The following ATP10B variants were observed in gnomAD, a reference collection of about 807,000 sequenced individuals.
ATP10B encodes ATPase phospholipid transporting 10B (putative).
In ATP10B, 122 loss-of-function variants were observed where a neutral mutation model predicts 141.2. The observed-to-expected ratio is 0.86, with a 90% CI of 0.75 to 1.00. The LOEUF is 1.00. ATP10B is among the 50% of genes least tolerant of loss of function. The pLI, the probability that ATP10B is intolerant of heterozygous loss-of-function variation, is 0.00. For missense variants in ATP10B, 1,876 were observed against 1,825.3 expected, an observed-to-expected ratio of 1.03 and a Z score of -0.51; for synonymous variants, 685 against 692.0, an observed-to-expected ratio of 0.99 and a Z score of 0.16.
chr5:160,589,505 AAC>A, intron 24 of ATP10B, 85 bp downstream of exon 24: 1 of 1,031,654 alleles, frequency 9.7e-7, no homozygotes, highest in Non-Finnish European at 1.5e-6. Flanking sequence ...GTGGATTGAT[AAC>A]ACAGAATGAA....
chr5:160,743,215 A>G (rs575234897), intron 2 of ATP10B, among the ~76,000 whole-genome samples: 1 of 152,330 alleles, frequency 6.6e-6, no homozygotes, highest in Admixed American at 6.5e-5. Flanking sequence ...TGGATGAGCC[A>G]GGATTCAAAT....
the ATP10B span, among the ~76,000 whole-genome samples, chr5:160,913,341 A>G: frequency 6.6e-6 from 1 of 152,104 alleles, no homozygotes; most frequent in Non-Finnish European, 1.5e-5. Context: ...GATGCTAGAG[A>G]GATTCTCTTC....
chr5:160,723,171 G>C (rs1766097888), intron 2 of ATP10B, among the ~76,000 whole-genome samples: 1 of 152,170 alleles, frequency 6.6e-6, no homozygotes, highest in Non-Finnish European at 1.5e-5. Flanking sequence ...GAAAATCTGG[G>C]CTGACTATTT....
Position 160,589,719 on chromosome 5 carries a change from C to T in ATP10B, c.3646-23G>A, listed in dbSNP as rs779326326. On this transcript the variant is annotated intron_variant, in intron 23 of 25. Transcript: ENST00000327245. ...GGCCTGCAGAGGAGGAACAGACAGG[C>T]ATTGTCAGGTATGTCTGTGGACTAA... 390 of 1,567,890 alleles carry T rather than the reference C, an allele frequency of 2.5e-4. 1 individual carries two copies. In the Admixed American group the frequency reaches 3.1e-3, roughly 13 times the overall value.
intron 1 of ATP10B, among the ~76,000 whole-genome samples, chr5:160,827,450 G>T (rs1214044404): frequency 6.6e-6 from 1 of 152,246 alleles, no homozygotes; most frequent in East Asian, 1.9e-4. Flanking sequence ...CATGTGTATG[G>T]CTTCTTTCAA....
the ATP10B span, among the ~76,000 whole-genome samples, chr5:160,870,530 G>C: frequency 6.6e-6 from 1 of 151,676 alleles, no homozygotes; most frequent in African/African-American, 2.4e-5. Flanking sequence ...AAAACAAAAA[G>C]AGAAAAAGAC....
At chr5:160,693,611 T>C (rs1764205059) in intron 3 of ATP10B, among the ~76,000 whole-genome samples, 1 of 152,162 alleles carries the variant, frequency 6.6e-6, no homozygotes, top group Non-Finnish European at 1.5e-5. Context: ...AGGTGTTGCA[T>C]AGAGCAGAGG....
chr5:160,597,720 CA>C (rs1419744281), intron 22 of ATP10B, among the ~76,000 whole-genome samples: 2 of 152,060 alleles, frequency 1.3e-5, no homozygotes, highest in Admixed American at 6.6e-5. Flanking sequence ...ACAACCCCAT[CA>C]AAAAGTGGGC....
intron 21 of ATP10B, among the ~76,000 whole-genome samples, chr5:160,599,988 G>C (rs981984602): frequency 6.6e-6 from 1 of 152,056 alleles, no homozygotes; most frequent in Middle Eastern, 3.2e-3. Flanking sequence ...TATTTTGGAG[G>C]GGCTCTCTAT....
At chr5:160,886,332 A>G in the ATP10B span, among the ~76,000 whole-genome samples, 1 of 152,322 alleles carries the variant, frequency 6.6e-6, no homozygotes, top group Non-Finnish European at 1.5e-5. Flanking sequence ...TGAAAGATAA[A>G]ACTAAACAGG....
Position 160,636,223 on chromosome 5 carries a change from C to T in ATP10B, c.1087G>A (p.Gly363Arg). ...ANGSFLPSAL[G>R]GFYMFLTMII... ...ATTGTGAGGAACATGTAGAAGCCCC[C>T]AAGGGCACTGGGAAGGAAGCTGCCA... Residue 363 changes from glycine (G) to arginine (R), a missense_variant, in exon 11 of 26, where the codon GGG becomes AGG. Physicochemically the swap from Gly to Arg is moderately radical, Grantham distance 125 (BLOSUM62 -2). Coordinates refer to ENST00000327245, the MANE Select transcript of ATP10B (RefSeq NM_025153.3). 1 of 1,613,458 alleles carries T rather than the reference C, an allele frequency of 6.2e-7. No individual in the cohort carries two copies. Among genetic ancestry groups the T allele is most frequent in the South Asian group, 1.1e-5 (1 of 90,934 alleles).
At chr5:160,906,744 G>T in the ATP10B span, among the ~76,000 whole-genome samples, 1 of 152,140 alleles carries the variant, frequency 6.6e-6, no homozygotes, top group Non-Finnish European at 1.5e-5. Flanking sequence ...ACCCAGTACC[G>T]CCTCTCCTTC....
intron 3 of ATP10B, among the ~76,000 whole-genome samples, chr5:160,695,629 A>C (rs1764315203): frequency 6.6e-6 from 1 of 152,196 alleles, no homozygotes; most frequent in Non-Finnish European, 1.5e-5. Context: ...AGAAGACCCA[A>C]GTAGGCTAAA....
At chr5:160,654,101 TATATACATATATAAATAC>T (rs1242898456) in intron 7 of ATP10B, among the ~76,000 whole-genome samples, 30 of 148,704 alleles carry the variant, frequency 2.0e-4, no homozygotes, top group African/African-American at 6.7e-4. Context: ...TGTATATACG[TATATACATATATAAATAC>T]GTGTGTGTGT....
the ATP10B span, among the ~76,000 whole-genome samples, chr5:160,915,208 A>G: frequency 6.6e-6 from 1 of 152,102 alleles, no homozygotes; most frequent in Non-Finnish European, 1.5e-5. Context: ...GAAGGTGGGG[A>G]AGTTGTTTGA....
intron 12 of ATP10B, chr5:160,633,411 G>C (rs1417719101): frequency 3.9e-5 from 6 of 152,170 alleles, no homozygotes; most frequent in Admixed American, 3.9e-4. Context: ...TCCTTTGCAG[G>C]GACACAGATG....
At chr5:160,762,650 T>TG (rs2127842121) in intron 2 of ATP10B, among the ~76,000 whole-genome samples, 1 of 147,710 alleles carries the variant, frequency 6.8e-6, no homozygotes, top group African/African-American at 2.5e-5. Flanking sequence ...AATGACATAA[T>TG]GAAAAAAAAA....
chr5:160,873,469 C>T, the ATP10B span, among the ~76,000 whole-genome samples: 1 of 152,222 alleles, frequency 6.6e-6, no homozygotes, highest in African/African-American at 2.4e-5. Flanking sequence ...TCACAGATGA[C>T]ATGATTGTCT....
intron 24 of ATP10B, among the ~76,000 whole-genome samples, chr5:160,581,702 C>T (rs1000193701): frequency 3.9e-5 from 6 of 152,140 alleles, no homozygotes; most frequent in African/African-American, 1.4e-4. Context: ...CCTGAATATC[C>T]TTGTTAATAT....
Sources: gnomAD v4.1 joint callset for allele counts (sites outside exome capture counted in the v4.1 genomes callset) on GRCh38, gnomAD v4.1.1 for gene constraint, MANE v1.5 for transcripts, NCBI Gene and HGNC (gene_info 2026-07-23, HGNC 2026-07-21) for gene names.